VPS45: variants seen among roughly 807,000 people sequenced by gnomAD.
The protein encoded by VPS45 is vacuolar protein sorting 45 homolog.
VPS45 carries 35 observed loss-of-function variants against 75.9 expected under a neutral mutation model. The observed-to-expected ratio is 0.46, with a 90% CI of 0.35 to 0.61. VPS45 has a LOEUF of 0.61. Ranked by LOEUF, VPS45 falls within the 20% of genes least tolerant of loss-of-function variation. The pLI is 0.00. For missense variants in VPS45, 559 were observed against 685.9 expected (o/e 0.81, Z 2.07); for synonymous variants, 220 against 238.2 (o/e 0.92, Z 0.70).
intron 14 of VPS45, among the ~76,000 whole-genome samples, chr1:150,115,593 A>G (rs1164676152): frequency 6.6e-6 from 1 of 152,214 alleles, no homozygotes; most frequent in African/African-American, 2.4e-5. Flanking sequence ...GATTTTATCT[A>G]TAGCACCCGT....
chr1:150,120,864 CTTTT>C (rs370159689), intron 14 of VPS45, among the ~76,000 whole-genome samples: 15 of 86,024 alleles, frequency 1.7e-4, no homozygotes, highest in Non-Finnish European at 2.1e-4. Flanking sequence ...TAGCAACATT[CTTTT>C]TTTTTTTTTT....
chr1:150,098,557 T>C (rs2101581552), intron 13 of VPS45, among the ~76,000 whole-genome samples: 1 of 152,342 alleles, frequency 6.6e-6, no homozygotes, highest in South Asian at 2.1e-4. Context: ...CCCTGTATTA[T>C]CATATTGAAA....
chr1:150,098,975 T>C (rs587631475), intron 13 of VPS45: 3 of 1,144,184 alleles, frequency 2.6e-6, no homozygotes, highest in East Asian at 1.4e-4. Context: ...TATACAAATG[T>C]AGTAGAATCT....
intron 14 of VPS45, among the ~76,000 whole-genome samples, chr1:150,112,889 C>T (rs1464502366): frequency 6.6e-6 from 1 of 152,104 alleles, no homozygotes; most frequent in Non-Finnish European, 1.5e-5. Context: ...CAGGAACAGC[C>T]AAATGTAAGA....
chr1:150,077,631 A>G (rs1655468370), intron 6 of VPS45, 38 bp from the exon 7 acceptor site: 3 of 1,372,216 alleles, frequency 2.2e-6, no homozygotes, highest in African/African-American at 1.4e-5. Flanking sequence ...ATATGTAACT[A>G]GATGGTTGCA....
intron 6 of VPS45, 173 bp from the exon 7 acceptor site, chr1:150,077,496 A>T: frequency 1.5e-6 from 1 of 674,388 alleles, no homozygotes; most frequent in South Asian, 2.0e-5. Context: ...TCATATCCTA[A>T]CCTCTTAAAT....
intron 8 of VPS45, 149 bp from the exon 9 acceptor site, chr1:150,081,735 A>G (rs782157149): frequency 7.8e-6 from 5 of 643,854 alleles, no homozygotes; most frequent in Non-Finnish European, 1.4e-5. Flanking sequence ...GTATTCATCA[A>G]CAGTGTCCCA....
chr1:150,072,154 T>C lies in VPS45; in HGVS notation c.229-12T>C, dbSNP rs782387716. Reference sequence around the variant, plus strand: ...CTCCTCATATTTTGTTTGCTTGTTCTTCATTTTCTAGGAGAATGTGGATTA... The same window carrying C: ...CTCCTCATATTTTGTTTGCTTGTTCCTCATTTTCTAGGAGAATGTGGATTA... On this transcript the variant is annotated splice_polypyrimidine_tract_variant and intron_variant, in intron 2 of 14. Coordinates refer to ENST00000644510, the MANE Select transcript of VPS45 (RefSeq NM_007259.5). 1 of 1,604,518 alleles carries C rather than the reference T, an allele frequency of 6.2e-7. No homozygotes were observed. The highest frequency in any genetic ancestry group is 1.1e-5 in the South Asian group (1 of 89,538).
chr1:150,107,895 C>G lies in VPS45; in HGVS notation c.1494-2601C>G, dbSNP rs1191604086. ...CAGCCTGGGTGACAAGAGCAAGACT[C>G]CGTCTCAAAAAAAAAGCAAATTTGA... is the stretch of plus-strand genomic sequence containing the variant. On this transcript the variant is annotated intron_variant, in intron 13 of 14. Coordinates refer to ENST00000644510, the MANE Select transcript of VPS45 (RefSeq NM_007259.5). 2.6e-5 allele frequency among the ~76,000 whole-genome samples: 4 copies of G among 152,002 alleles called. No individual in the cohort carries two copies. In the East Asian group the frequency reaches 5.8e-4, roughly 22 times the overall value.
chr1:150,075,435 T>C (rs55989593), intron 3 of VPS45, among the ~76,000 whole-genome samples: 4,103 of 152,256 alleles, frequency 0.027, 166 homozygotes, highest in African/African-American at 0.093. Context: ...GGTTAAGATT[T>C]GATTTCTTCT....
intron 14 of VPS45, among the ~76,000 whole-genome samples, chr1:150,128,854 C>T (rs986361115): frequency 1.3e-5 from 2 of 152,142 alleles, no homozygotes; most frequent in Non-Finnish European, 2.9e-5. Context: ...ATTCTCCTGC[C>T]ACAAAGTCCC....
chr1:150,092,271 G>A, intron 11 of VPS45, 31 bp from the exon 12 acceptor site: 1 of 1,606,242 alleles, frequency 6.2e-7, no homozygotes, highest in Non-Finnish European at 8.5e-7. Context: ...TGATGCCTAA[G>A]CAATCAAAAT....
chr1:150,099,597 G>T (rs1656857652), intron 13 of VPS45, among the ~76,000 whole-genome samples: 1 of 151,776 alleles, frequency 6.6e-6, no homozygotes, highest in East Asian at 1.9e-4. Context: ...ATTCTGGGAG[G>T]CCAAGGCGGG....
At chr1:150,138,449 C>T (rs1312622279) in intron 14 of VPS45, among the ~76,000 whole-genome samples, 2 of 152,094 alleles carry the variant, frequency 1.3e-5, no homozygotes, top group African/African-American at 4.8e-5. Context: ...TTCAGTCTCA[C>T]GGCTTTAAGT....
At chr1:150,067,678 T>G, upstream of VPS45, 1 of 559,436 alleles carries the variant, frequency 1.8e-6, no homozygotes. Context: ...ATCCCCGGGG[T>G]AGGCTTGGTC....
chr1:150,095,758 A>C (rs1656612056), intron 13 of VPS45, among the ~76,000 whole-genome samples: 1 of 152,164 alleles, frequency 6.6e-6, no homozygotes, highest in Admixed American at 6.5e-5. Context: ...AGCATAGTGA[A>C]TAAGGAGGAA....
intron 14 of VPS45, among the ~76,000 whole-genome samples, chr1:150,113,962 AATAAT>A (rs1336948474): frequency 6.6e-6 from 1 of 152,162 alleles, no homozygotes. Context: ...CTTTCTCACA[AATAAT>A]ATAAGAATAT....
At chr1:150,069,853 A>G (rs1288947927) in intron 2 of VPS45, among the ~76,000 whole-genome samples, 7 of 151,876 alleles carry the variant, frequency 4.6e-5, no homozygotes, top group African/African-American at 1.7e-4. Flanking sequence ...TGATCATGAC[A>G]CTCCTGCTTG....
chr1:150,108,872 C>T (rs1329462216), intron 13 of VPS45, among the ~76,000 whole-genome samples: 2 of 152,170 alleles, frequency 1.3e-5, no homozygotes, highest in Admixed American at 6.6e-5. Flanking sequence ...TCACTGCTCA[C>T]CTCCTGCTGT....
Sources: gnomAD v4.1 joint callset for allele counts (sites outside exome capture counted in the v4.1 genomes callset) on GRCh38, gnomAD v4.1.1 for gene constraint, MANE v1.5 for transcripts, NCBI Gene and HGNC (gene_info 2026-07-23, HGNC 2026-07-21) for gene names.